The following RALGPS2 variants were observed in gnomAD, a reference collection of about 807,000 sequenced individuals.
RALGPS2 encodes the protein Ral GEF with PH domain and SH3 binding motif 2, also known as ras-specific guanine nucleotide-releasing factor RalGPS2.
RALGPS2 carries 43 observed loss-of-function variants against 86.8 expected under a neutral mutation model. The ratio of observed to expected loss-of-function variants is 0.50; its 90% CI spans 0.39 to 0.64. RALGPS2 has a LOEUF of 0.64. Ranked by LOEUF, RALGPS2 falls within the 30% of genes least tolerant of loss-of-function variation. RALGPS2 has a pLI of 0.00. For synonymous variants in RALGPS2, 243 were observed against 231.3 expected (o/e 1.05, Z -0.46); for missense variants, 536 against 694.6 (o/e 0.77, Z 2.57).
chr1:178,864,532 T>G (rs917378952), intron 8 of RALGPS2, among the ~76,000 whole-genome samples: 2 of 152,030 alleles, frequency 1.3e-5, no homozygotes. Context: ...GAAAGCAAAA[T>G]TTTACATGTT....
chr1:178,898,339 T>C (rs1660031539), intron 17 of RALGPS2, among the ~76,000 whole-genome samples: 2 of 151,986 alleles, frequency 1.3e-5, no homozygotes, highest in African/African-American at 4.8e-5. Context: ...AGTCACATGT[T>C]TTGGGGGAGA....
chr1:178,837,568 C>T (rs1031158284), intron 8 of RALGPS2, among the ~76,000 whole-genome samples: 1 of 152,120 alleles, frequency 6.6e-6, no homozygotes, highest in Non-Finnish European at 1.5e-5. Flanking sequence ...CCAAGATGGC[C>T]GAACAGGAAC....
At chr1:178,864,473 A>T (rs1658247050) in intron 8 of RALGPS2, among the ~76,000 whole-genome samples, 1 of 152,198 alleles carries the variant, frequency 6.6e-6, no homozygotes, top group African/African-American at 2.4e-5. Flanking sequence ...TAGTTGAGTC[A>T]TCTGCTGAGA....
At chr1:178,752,317 AT>A (rs562112755) in intron 1 of RALGPS2, among the ~76,000 whole-genome samples, 43 of 137,160 alleles carry the variant, frequency 3.1e-4, no homozygotes, top group South Asian at 6.6e-4. Context: ...CTAATTTTTA[AT>A]TTTTTTTTTT....
intron 1 of RALGPS2, chr1:178,753,763 G>C (rs1208160007): frequency 6.6e-6 from 1 of 152,064 alleles, no homozygotes; most frequent in African/African-American, 2.4e-5. Context: ...AGTTATAACA[G>C]TACCTGCATT....
chr1:178,855,893 TTTTC>T, intron 8 of RALGPS2, among the ~76,000 whole-genome samples: 1 of 150,734 alleles, frequency 6.6e-6, no homozygotes, highest in East Asian at 1.9e-4. Flanking sequence ...ATGATAGGGT[TTTTC>T]TTTTTGTTGT....
At chr1:178,851,507 T>C (rs1657173360) in intron 8 of RALGPS2, among the ~76,000 whole-genome samples, 1 of 152,100 alleles carries the variant, frequency 6.6e-6, no homozygotes, top group African/African-American at 2.4e-5. Flanking sequence ...TCACTTGAAT[T>C]GCCTTTTTTT....
At chr1:178,770,078 A>G (rs944696356) in intron 1 of RALGPS2, among the ~76,000 whole-genome samples, 2 of 146,062 alleles carry the variant, frequency 1.4e-5, no homozygotes, top group Non-Finnish European at 3.0e-5. Context: ...GTGCTGTGGC[A>G]TGATCACGGC....
chr1:178,857,567 A>C (rs895972760), intron 8 of RALGPS2, among the ~76,000 whole-genome samples: 7 of 152,196 alleles, frequency 4.6e-5, no homozygotes, highest in Non-Finnish European at 7.4e-5. Context: ...CATTGCTCTT[A>C]CTTTAAAACC....
At chr1:178,831,546 A>C (rs1040326165) in intron 7 of RALGPS2, among the ~76,000 whole-genome samples, 8 of 152,086 alleles carry the variant, frequency 5.3e-5, no homozygotes, top group Non-Finnish European at 1.0e-4. Flanking sequence ...TGAAAGTGTG[A>C]AGAGGCTTGC....
In RALGPS2 at chr1:178,821,580, TCCCTCTCCCCCATTTTTTTTCAA is replaced by T. The variant is rs772912827; in HGVS notation, c.388-31_388-9del. On this transcript the variant is annotated splice_polypyrimidine_tract_variant and intron_variant, in intron 6 of 19. Transcript: ENST00000367635. ...CTTGTATTCATGTTGTTCTTTTTCATCCCTCTCCCCCATTTTTTTTCAAATCTTCAGAAACTGTATGAGCTGAA... is the reference window on the plus strand; with the variant it reads ...CTTGTATTCATGTTGTTCTTTTTCATATCTTCAGAAACTGTATGAGCTGAA... 3.9e-6 allele frequency: 6 copies of T among 1,540,316 alleles called. No individual in the cohort carries two copies. Among genetic ancestry groups the T allele is most frequent in the Admixed American group, 1.8e-5 (1 of 56,310 alleles).
intron 1 of RALGPS2, among the ~76,000 whole-genome samples, chr1:178,742,972 T>C (rs535210397): frequency 1.3e-5 from 2 of 152,262 alleles, no homozygotes; most frequent in East Asian, 3.9e-4. Context: ...TCCCAACACT[T>C]TGGGAGTCTG....
chr1:178,851,988 A>G (rs1657203387), intron 8 of RALGPS2, among the ~76,000 whole-genome samples: 1 of 152,130 alleles, frequency 6.6e-6, no homozygotes, highest in African/African-American at 2.4e-5. Context: ...TGGATGGTCT[A>G]GTTGTTTCTT....
intron 8 of RALGPS2, among the ~76,000 whole-genome samples, chr1:178,849,280 T>G (rs1490405465): frequency 7.9e-5 from 12 of 152,178 alleles, no homozygotes; most frequent in Admixed American, 7.9e-4. Flanking sequence ...TACCGCTTCT[T>G]ATTCTCTCCT....
chr1:178,727,401 A>G (rs1430373224), intron 1 of RALGPS2, among the ~76,000 whole-genome samples: 3 of 152,192 alleles, frequency 2.0e-5, no homozygotes, highest in Admixed American at 2.0e-4. Flanking sequence ...GACTTTTAGT[A>G]ATACTTTGGG....
chr1:178,873,743 T>C (rs12747722), intron 8 of RALGPS2, among the ~76,000 whole-genome samples: 2 of 152,218 alleles, frequency 1.3e-5, no homozygotes, highest in Admixed American at 6.5e-5. Context: ...TGTCACACAT[T>C]AGCTTGTTCT....
chr1:178,738,929 A>ATT (rs1219899390), intron 1 of RALGPS2, among the ~76,000 whole-genome samples: 1 of 152,146 alleles, frequency 6.6e-6, no homozygotes, highest in African/African-American at 2.4e-5. Flanking sequence ...CCTGATTTAG[A>ATT]TTTCCAGGAT....
intron 8 of RALGPS2, among the ~76,000 whole-genome samples, chr1:178,857,249 G>A (rs1375124983): frequency 6.6e-6 from 1 of 152,158 alleles, no homozygotes; most frequent in Non-Finnish European, 1.5e-5. Flanking sequence ...CTTTCAGTAT[G>A]TATCCACAGT....
chr1:178,794,444 C>T (rs1317718060), intron 4 of RALGPS2, among the ~76,000 whole-genome samples: 1 of 152,120 alleles, frequency 6.6e-6, no homozygotes, highest in East Asian at 1.9e-4. Flanking sequence ...GGCTCTTACA[C>T]ATTTATTTAT....
Sources: allele counts gnomAD v4.1 joint callset (sites outside exome capture counted in the v4.1 genomes callset), GRCh38; gene constraint gnomAD v4.1.1; transcripts MANE v1.5; gene names NCBI Gene and HGNC (gene_info 2026-07-23, HGNC 2026-07-21).